ARMH3: variants seen among roughly 807,000 people sequenced by gnomAD.
ARMH3 encodes armadillo-like helical domain-containing protein 3.
In ARMH3, 60 loss-of-function variants were observed where a neutral mutation model predicts 99.1. That is an observed-to-expected ratio of 0.61 (90% CI 0.49 to 0.75). The LOEUF (loss-of-function observed/expected upper bound fraction) is 0.75, where lower values mean the gene tolerates loss of function less well. Among genes scored for constraint, ARMH3 ranks in the 30% least tolerant of loss-of-function variants. The pLI is 0.00. For synonymous variants in ARMH3, 285 were observed against 292.8 expected (o/e 0.97, Z 0.27); for missense variants, 679 against 843.1 (o/e 0.81, Z 2.41).
intron 11 of ARMH3, 110 bp from the exon 12 acceptor site, chr10:102,010,133 G>A (rs2066599443): frequency 6.4e-6 from 6 of 932,248 alleles, no homozygotes; most frequent in Admixed American, 4.6e-5. Flanking sequence ...CACCTGGGGA[G>A]AACTTGGAAC....
intron 19 of ARMH3, among the ~76,000 whole-genome samples, chr10:101,990,270 G>A (rs921937082): frequency 2.7e-5 from 4 of 146,784 alleles, no homozygotes; most frequent in South Asian, 4.3e-4. Context: ...TGCAAGCTCC[G>A]CCTCCTGGGT....
chr10:102,022,065 C>T (rs2066897935), intron 8 of ARMH3, among the ~76,000 whole-genome samples: 1 of 152,106 alleles, frequency 6.6e-6, no homozygotes, highest in African/African-American at 2.4e-5. Flanking sequence ...CATACACTAT[C>T]CAGGTTTGCA....
intron 22 of ARMH3, among the ~76,000 whole-genome samples, chr10:101,947,968 T>C (rs1350560656): frequency 6.6e-6 from 1 of 151,950 alleles, no homozygotes; most frequent in Non-Finnish European, 1.5e-5. Flanking sequence ...AAAAGCCAGC[T>C]AATAAATTAA....
At chr10:101,884,083 C>T (rs1247721026) in intron 24 of ARMH3, among the ~76,000 whole-genome samples, 1 of 151,804 alleles carries the variant, frequency 6.6e-6, no homozygotes, top group Non-Finnish European at 1.5e-5. Flanking sequence ...ACCAGAATTT[C>T]GGAAGGCTTA....
chr10:101,911,818 T>G (rs1272032645), intron 23 of ARMH3, among the ~76,000 whole-genome samples: 4 of 151,558 alleles, frequency 2.6e-5, no homozygotes, highest in Non-Finnish European at 5.9e-5. Flanking sequence ...GGTGGATCAC[T>G]TGAAGTTAGG....
At chr10:101,876,905 C>A (rs369998869) in intron 24 of ARMH3, among the ~76,000 whole-genome samples, 4 of 152,068 alleles carry the variant, frequency 2.6e-5, no homozygotes, top group Non-Finnish European at 1.5e-5. Flanking sequence ...TCTCCAGTAA[C>A]CTCTTCAAAA....
intron 19 of ARMH3, among the ~76,000 whole-genome samples, chr10:101,981,632 A>C (rs1223964560): frequency 6.6e-6 from 1 of 152,214 alleles, no homozygotes; most frequent in Non-Finnish European, 1.5e-5. Flanking sequence ...CATTATTCAC[A>C]TCTCTCTCTG....
intron 5 of ARMH3, 87 bp downstream of exon 5, chr10:102,029,551 T>G (rs769508719): frequency 6.2e-7 from 1 of 1,613,384 alleles, no homozygotes; most frequent in Non-Finnish European, 8.5e-7. Flanking sequence ...TGAGTCCAAA[T>G]CTTTGAGTAC....
At chr10:101,959,506 G>A (rs576916805) in intron 20 of ARMH3, among the ~76,000 whole-genome samples, 1 of 152,288 alleles carries the variant, frequency 6.6e-6, no homozygotes, top group African/African-American at 2.4e-5. Flanking sequence ...AAGGGCTTTT[G>A]TCCCCAGGAC....
rs373764563 is a variant in ARMH3 at position 101,857,525 on chromosome 10, C to T, written c.1861-7633G>A. Among the ~76,000 whole-genome samples the T allele has an allele frequency of 6.6e-5, 10 of 152,122 alleles. No individual in the cohort carries two copies. In the South Asian group the frequency reaches 2.1e-3, roughly 32 times the overall value. ...GGACTGCTAGAGGGGAGAGGAAGGT[C>T]CAAGCAGCTTCAGGCAGTTTTTAAT... On this transcript the variant is annotated intron_variant, in intron 24 of 25. Coordinates refer to ENST00000370033, the MANE Select transcript of ARMH3 (RefSeq NM_024541.3).
At chr10:102,024,468 A>G (rs1355858113) in intron 6 of ARMH3, among the ~76,000 whole-genome samples, 1 of 148,404 alleles carries the variant, frequency 6.7e-6, no homozygotes, top group African/African-American at 2.5e-5. Flanking sequence ...AAATAAATAA[A>G]AGCCAAAACA....
At chr10:101,913,392 G>T (rs1425259136) in intron 23 of ARMH3, 1 of 138,618 alleles carries the variant, frequency 7.2e-6, no homozygotes, top group Non-Finnish European at 1.5e-5. Flanking sequence ...TTGAGACAGG[G>T]TCTCTCTCTA....
At chr10:101,882,992 C>T (rs1289805078) in intron 24 of ARMH3, among the ~76,000 whole-genome samples, 2 of 152,156 alleles carry the variant, frequency 1.3e-5, no homozygotes, top group African/African-American at 4.8e-5. Context: ...TATTCTTGGA[C>T]CTTAGGTTAA....
At chr10:101,989,259 T>G (rs894643541) in intron 19 of ARMH3, among the ~76,000 whole-genome samples, 13 of 151,952 alleles carry the variant, frequency 8.6e-5, no homozygotes, top group African/African-American at 2.9e-4. Flanking sequence ...AATGGCTAGG[T>G]GTAATGGCAC....
rs571996662 is a variant in ARMH3, at chr10:102,035,560, C to T, written c.103-2221G>A. On this transcript the variant is annotated intron_variant, in intron 2 of 25. Transcript: ENST00000370033. ...CTGCGATTGCAGGCGCGCGCTGCCA[C>T]GCCTGACTGGTTTTCGTATTTTTTT... 9.6e-3 allele frequency among the ~76,000 whole-genome samples: 1,457 copies of T among 152,342 alleles called. 19 individuals are homozygous for T. The highest frequency in any genetic ancestry group is 0.032 in the African/African-American group (1,350 of 41,576).
At chr10:102,055,298 A>AAAATAAATAAAT (rs60846376) in intron 1 of ARMH3, among the ~76,000 whole-genome samples, 20 of 149,316 alleles carry the variant, frequency 1.3e-4, no homozygotes, top group East Asian at 8.1e-4. Flanking sequence ...ACTCCATCTC[A>AAAATAAATAAAT]AAATAAATAA....
chr10:101,926,273 G>A (rs922543132), intron 23 of ARMH3, among the ~76,000 whole-genome samples: 2 of 152,080 alleles, frequency 1.3e-5, no homozygotes, highest in Admixed American at 1.3e-4. Flanking sequence ...CTGCAGCCTC[G>A]AACTCCTGGG....
intron 5 of ARMH3, among the ~76,000 whole-genome samples, chr10:102,027,143 G>A (rs1277790119): frequency 6.6e-6 from 1 of 152,136 alleles, no homozygotes; most frequent in African/African-American, 2.4e-5. Context: ...GCTGAGTGTG[G>A]TGGCGCATGC....
chr10:102,031,132 T>C (rs563413601), intron 4 of ARMH3, among the ~76,000 whole-genome samples: 345 of 152,338 alleles, frequency 2.3e-3, no homozygotes, highest in African/African-American at 7.9e-3. Context: ...AAGTCCCTTA[T>C]ATAATAGCCA....
Sources: allele counts gnomAD v4.1 joint callset (sites outside exome capture counted in the v4.1 genomes callset), GRCh38; gene constraint gnomAD v4.1.1; transcripts MANE v1.5; gene names NCBI Gene and HGNC (gene_info 2026-07-23, HGNC 2026-07-21).